The following DOCK1 variants were observed in gnomAD, a reference collection of about 807,000 sequenced individuals.
DOCK1 encodes dedicator of cytokinesis protein 1.
DOCK1 carries 138 observed loss-of-function variants against 262.7 expected under a neutral mutation model. That is an observed-to-expected ratio of 0.53 (90% CI 0.46 to 0.61). The LOEUF is 0.61. Ranked by LOEUF, DOCK1 falls within the 20% of genes least tolerant of loss-of-function variation. DOCK1 has a pLI of 0.00. For missense variants in DOCK1, 1,908 were observed against 2,370.7 expected, an observed-to-expected ratio of 0.80 and a Z score of 4.05; for synonymous variants, 866 against 867.4, an observed-to-expected ratio of 1.00 and a Z score of 0.03.
intron 29 of DOCK1, among the ~76,000 whole-genome samples, chr10:127,301,671 C>T (rs886892929): frequency 1.3e-5 from 2 of 152,232 alleles, no homozygotes; most frequent in East Asian, 1.9e-4. Flanking sequence ...TTTGGCTGCG[C>T]GCTGTGGCTC....
intron 10 of DOCK1, among the ~76,000 whole-genome samples, chr10:127,003,546 T>TG (rs1475521547): frequency 6.6e-6 from 1 of 152,182 alleles, no homozygotes; most frequent in African/African-American, 2.4e-5. Context: ...ATGCCCTGGG[T>TG]GGGGATGTCC....
At chr10:127,043,668 G>T (rs1030921513) in intron 21 of DOCK1, among the ~76,000 whole-genome samples, 1 of 152,160 alleles carries the variant, frequency 6.6e-6, no homozygotes, top group Non-Finnish European at 1.5e-5. Flanking sequence ...CCCTCTGCCC[G>T]TCTGTGCCCC....
At chr10:127,042,522 G>A in intron 19 of DOCK1, 103 bp from the exon 20 acceptor site, 2 of 1,046,434 alleles carry the variant, frequency 1.9e-6, no homozygotes, top group Non-Finnish European at 3.0e-6. Flanking sequence ...TAGTGCTGGG[G>A]GCAAAGTGGG....
At chr10:126,981,897 G>GCT (rs1554965821) in intron 3 of DOCK1, 21 bp from the exon 4 acceptor site, 1 of 1,222,590 alleles carries the variant, frequency 8.2e-7, no homozygotes, top group African/African-American at 1.5e-5. Context: ...AAAAGCTACT[G>GCT]TTTTTTTTTT....
At chr10:127,004,412 T>C (rs1361479204) in intron 10 of DOCK1, among the ~76,000 whole-genome samples, 1 of 152,064 alleles carries the variant, frequency 6.6e-6, no homozygotes, top group Non-Finnish European at 1.5e-5. Flanking sequence ...GCAGTGGTTC[T>C]CAATCCTAAC....
intron 29 of DOCK1, among the ~76,000 whole-genome samples, chr10:127,327,726 T>C (rs1271744257): frequency 6.6e-6 from 1 of 152,200 alleles, no homozygotes. Flanking sequence ...CTACCAATTA[T>C]TGAACAGCTG....
chr10:127,329,678 A>G (rs2062892958), intron 29 of DOCK1, among the ~76,000 whole-genome samples: 1 of 152,100 alleles, frequency 6.6e-6, no homozygotes, highest in Non-Finnish European at 1.5e-5. Flanking sequence ...GCTGCTGGAC[A>G]TTTCTGATGT....
intron 33 of DOCK1, among the ~76,000 whole-genome samples, chr10:127,362,885 C>CCCCACA (rs1565026712): frequency 9.1e-5 from 1 of 10,978 alleles, no homozygotes; most frequent in African/African-American, 4.1e-4. Context: ...ATACACATCC[C>CCCCACA]CACACACACA....
intron 47 of DOCK1, among the ~76,000 whole-genome samples, chr10:127,427,622 A>G (rs115755298): frequency 0.012 from 1,818 of 152,250 alleles, 28 homozygotes; most frequent in African/African-American, 0.037. Context: ...AGCCCTATCC[A>G]TGTACCTCCA....
chr10:127,195,028 C>T (rs2057010389), intron 27 of DOCK1, among the ~76,000 whole-genome samples: 1 of 152,206 alleles, frequency 6.6e-6, no homozygotes, highest in Admixed American at 6.5e-5. Context: ...CCCATTTTCT[C>T]TCCTATTTAC....
intron 10 of DOCK1, chr10:127,007,269 C>T (rs1435464234): frequency 6.6e-6 from 1 of 152,174 alleles, no homozygotes; most frequent in Non-Finnish European, 1.5e-5. Flanking sequence ...CCAGACCAAA[C>T]AGGGGATGAG....
intron 23 of DOCK1, among the ~76,000 whole-genome samples, chr10:127,082,671 C>T (rs2046973298): frequency 6.6e-6 from 1 of 151,928 alleles, no homozygotes; most frequent in Admixed American, 6.6e-5. Flanking sequence ...ACAGCCCAAA[C>T]CATATCAGGG....
chr10:126,951,734 A>G (rs2036266623), intron 1 of DOCK1, among the ~76,000 whole-genome samples: 1 of 151,910 alleles, frequency 6.6e-6, no homozygotes. Flanking sequence ...GAGGCAGAAG[A>G]CCTAAGGACT....
chr10:127,075,238 G>C (rs2046457538), intron 23 of DOCK1, among the ~76,000 whole-genome samples: 1 of 143,906 alleles, frequency 6.9e-6, no homozygotes, highest in South Asian at 2.2e-4. Flanking sequence ...TGGCCATCAA[G>C]TTTTTTCATG....
chr10:127,026,646 T>C lies in DOCK1; in HGVS notation c.1624+222T>C, dbSNP rs1403633873. The C allele has an allele frequency of 1.4e-5, 8 of 565,204 alleles. No individual in the cohort carries two copies. The Admixed American group carries it at 1.8e-4, about 12-fold the overall frequency. The allele number at this position is 565,204 out of a possible 1,614,324, so 35.0% of individuals were successfully genotyped here. A position where few individuals can be genotyped will look rare whatever the true frequency, so the allele number is the denominator to read the frequency against. ...TCCAGTTCCTCCTACCCAGTGTTGC[T>C]GGTCCCCTTCTTTCTTTTGCTTTCC... On this transcript the variant is annotated intron_variant, in intron 16 of 51. Coordinates refer to ENST00000623213, the MANE Select transcript of DOCK1 (RefSeq NM_001290223.2).
At chr10:126,944,548 A>G (rs1005715718) in intron 1 of DOCK1, among the ~76,000 whole-genome samples, 2 of 152,156 alleles carry the variant, frequency 1.3e-5, no homozygotes, top group Non-Finnish European at 2.9e-5. Flanking sequence ...CTGGAGTCCC[A>G]AAGAACAACT....
chr10:127,167,352 T>C (rs1248304736), intron 27 of DOCK1, among the ~76,000 whole-genome samples: 3 of 152,120 alleles, frequency 2.0e-5, no homozygotes, highest in African/African-American at 7.2e-5. Flanking sequence ...CTGAAAACAA[T>C]TCAAAGGATT....
At chr10:127,308,416 T>G (rs2061951609) in intron 29 of DOCK1, among the ~76,000 whole-genome samples, 1 of 152,210 alleles carries the variant, frequency 6.6e-6, no homozygotes. Context: ...TCCTCTGATC[T>G]TTTTTGTTTG....
intron 23 of DOCK1, among the ~76,000 whole-genome samples, chr10:127,093,617 G>A (rs983089917): frequency 6.6e-6 from 1 of 151,072 alleles, no homozygotes; most frequent in Non-Finnish European, 1.5e-5. Context: ...GCCTTCCAAA[G>A]TGCTGGGATT....
Sources: gnomAD v4.1 joint callset for allele counts (sites outside exome capture counted in the v4.1 genomes callset) on GRCh38, gnomAD v4.1.1 for gene constraint, MANE v1.5 for transcripts, NCBI Gene and HGNC (gene_info 2026-07-23, HGNC 2026-07-21) for gene names.